SIPA1L3: variants seen among roughly 807,000 people sequenced by gnomAD.
SIPA1L3 encodes signal-induced proliferation-associated 1-like protein 3.
Under a neutral mutation model 150.1 loss-of-function variants are expected in SIPA1L3, and 59 were observed. The ratio of observed to expected loss-of-function variants is 0.39; its 90% CI spans 0.32 to 0.49. SIPA1L3 has a LOEUF of 0.49. SIPA1L3 is among the 20% of genes least tolerant of loss of function. The pLI is 0.86. For missense variants in SIPA1L3, 2,211 were observed against 2,489.5 expected (o/e 0.89, Z 2.38); for synonymous variants, 1,070 against 1,077.6 (o/e 0.99, Z 0.14).
chr19:38,083,711 C>A (rs1970061165), intron 3 of SIPA1L3, among the ~76,000 whole-genome samples: 1 of 152,174 alleles, frequency 6.6e-6, no homozygotes, highest in South Asian at 2.1e-4. Flanking sequence ...CTTGGAACTG[C>A]CCGGCGCAGT....
intron 1 of SIPA1L3, among the ~76,000 whole-genome samples, chr19:37,977,565 A>T (rs1967104362): frequency 6.6e-6 from 1 of 151,896 alleles, no homozygotes; most frequent in Non-Finnish European, 1.5e-5. Context: ...AGGTCCCATG[A>T]TTGGCAGTCC....
Position 38,082,523 on chromosome 19 carries a change from G to A in SIPA1L3, c.958G>A (p.Glu320Lys). The A allele has an allele frequency of 6.3e-7, 1 of 1,598,188 alleles. No homozygotes were observed. Among genetic ancestry groups the A allele is most frequent in the Non-Finnish European group, 8.5e-7 (1 of 1,172,390 alleles). ...GGGGGAGGCTGGGCGTTCCCCGGGG[G>A]AGGCCGACGAGGGCCGGAGCCCCCC... is the stretch of plus-strand genomic sequence containing the variant. ...PEGEAGRSPG[E>K]ADEGRSPPEA... Residue 320 changes from glutamate (E) to lysine (K), a missense_variant, in exon 3 of 22, where the codon GAG becomes AAG. Glu to Lys is a moderately conservative substitution (Grantham distance 56, BLOSUM62 1). This residue lies in a region of SIPA1L3 where 587 missense variants were observed against 534.5 expected (regional missense o/e 1.10). Transcript: ENST00000222345.
intron 4 of SIPA1L3, among the ~76,000 whole-genome samples, chr19:38,093,255 C>T (rs1353146127): frequency 6.6e-6 from 1 of 152,094 alleles, no homozygotes; most frequent in African/African-American, 2.4e-5. Context: ...GCCGTGTGGA[C>T]AACTGGAAGA....
At chr19:38,090,980 T>G (rs1485404980) in intron 4 of SIPA1L3, among the ~76,000 whole-genome samples, 1 of 152,188 alleles carries the variant, frequency 6.6e-6, no homozygotes, top group Non-Finnish European at 1.5e-5. Flanking sequence ...CTACCCACCT[T>G]TCTGGCCAGA....
chr19:38,130,868 G>T (rs1971292953), intron 10 of SIPA1L3, 96 bp downstream of exon 10: 5 of 1,359,968 alleles, frequency 3.7e-6, no homozygotes, highest in Non-Finnish European at 5.0e-6. Context: ...TCCCAATAGA[G>T]GGGGGATAGG....
intron 15 of SIPA1L3, among the ~76,000 whole-genome samples, chr19:38,174,994 AGTT>A (rs749880035): frequency 1.3e-5 from 2 of 152,160 alleles, no homozygotes; most frequent in African/African-American, 2.4e-5. Flanking sequence ...TATCGTTAAC[AGTT>A]GTTGTCACTG....
chr19:38,080,650 A>G (rs192776970), intron 2 of SIPA1L3, among the ~76,000 whole-genome samples: 129 of 152,192 alleles, frequency 8.5e-4, no homozygotes, highest in Non-Finnish European at 4.4e-4. Context: ...TAGAGATACA[A>G]GCTAAAATAT....
intron 1 of SIPA1L3, among the ~76,000 whole-genome samples, chr19:37,978,017 C>T (rs1220532325): frequency 6.6e-6 from 1 of 152,176 alleles, no homozygotes; most frequent in African/African-American, 2.4e-5. Flanking sequence ...CTTTAGTCTC[C>T]AGGATGAGGT....
At chr19:38,018,273 C>G (rs1471454359) in intron 1 of SIPA1L3, among the ~76,000 whole-genome samples, 1 of 146,446 alleles carries the variant, frequency 6.8e-6, no homozygotes, top group Non-Finnish European at 1.5e-5. Flanking sequence ...AAGTGATTCT[C>G]ATGCTGCAGC....
At chr19:38,146,938 G>A (rs1971713669) in intron 12 of SIPA1L3, among the ~76,000 whole-genome samples, 1 of 151,950 alleles carries the variant, frequency 6.6e-6, no homozygotes, top group Admixed American at 6.6e-5. Flanking sequence ...AGAGTTCTTT[G>A]GACATTCTAA....
intron 2 of SIPA1L3, among the ~76,000 whole-genome samples, chr19:38,071,235 A>ATCTATCTG (rs1568532244): frequency 6.6e-5 from 10 of 151,540 alleles, no homozygotes; most frequent in Non-Finnish European, 1.5e-4. Context: ...CTATCTATCT[A>ATCTATCTG]TCTATCTATC....
chr19:38,167,006 A>G (rs1228092720), intron 15 of SIPA1L3, among the ~76,000 whole-genome samples: 1 of 152,068 alleles, frequency 6.6e-6, no homozygotes, highest in Admixed American at 6.6e-5. Context: ...AGGCCAAGGC[A>G]AGCGGATCAC....
chr19:38,012,479 C>T (rs1193488284), intron 1 of SIPA1L3, among the ~76,000 whole-genome samples: 1 of 152,152 alleles, frequency 6.6e-6, no homozygotes, highest in African/African-American at 2.4e-5. Flanking sequence ...CTCCCCTGCT[C>T]CCAGCCCAGC....
intron 1 of SIPA1L3, among the ~76,000 whole-genome samples, chr19:38,018,241 G>A (rs1023402809): frequency 6.3e-5 from 9 of 143,166 alleles, no homozygotes; most frequent in Non-Finnish European, 4.5e-5. Flanking sequence ...TCGGCTCATG[G>A]TAACCTCCGA....
intron 2 of SIPA1L3, among the ~76,000 whole-genome samples, chr19:38,072,241 C>T (rs1293498326): frequency 6.6e-6 from 1 of 152,160 alleles, no homozygotes; most frequent in Non-Finnish European, 1.5e-5. Flanking sequence ...AATAATGATA[C>T]CCACCTCATG....
At chr19:38,074,445 T>C (rs855620) in intron 2 of SIPA1L3, among the ~76,000 whole-genome samples, 93,089 of 152,106 alleles carry the variant, frequency 0.61, 30,699 homozygotes, top group African/African-American at 0.86. Flanking sequence ...GGACTAATCC[T>C]CCCTCCGCAC....
rs58459050 is a variant in SIPA1L3 at position 38,016,886 on chromosome 19, C to CTTTTTTTT, written c.-378-12182_-378-12175dup. Among the ~76,000 whole-genome samples, 9 of 69,138 alleles carry CTTTTTTTT rather than the reference C, an allele frequency of 1.3e-4. 1 individual carries two copies. Among genetic ancestry groups the CTTTTTTTT allele is most frequent in the African/African-American group, 3.3e-4 (5 of 15,052 alleles). 45.4% of individuals were successfully genotyped at this position (69,138 alleles called of 152,430 possible). A position where few individuals can be genotyped will look rare whatever the true frequency, so the allele number is the denominator to read the frequency against. Reference sequence around the variant, plus strand: ...ATACTTCTTTTTCTGCCTCCTCTGGCTTTTTTTTTTTTTTTTTTTTTTTTT... The same window carrying CTTTTTTTT: ...ATACTTCTTTTTCTGCCTCCTCTGGCTTTTTTTTTTTTTTTTTTTTTTTTTTTTTTTTT... On this transcript the variant is annotated intron_variant, in intron 1 of 21. Coordinates refer to ENST00000222345, the MANE Select transcript of SIPA1L3 (RefSeq NM_015073.3).
chr19:38,204,691 G>A (rs1357481532), intron 21 of SIPA1L3, among the ~76,000 whole-genome samples: 1 of 152,122 alleles, frequency 6.6e-6, no homozygotes, highest in East Asian at 1.9e-4. Context: ...CTTGAACCCA[G>A]GAAGGTGGAG....
At chr19:38,049,759 G>A (rs1447940075) in intron 2 of SIPA1L3, among the ~76,000 whole-genome samples, 2 of 152,030 alleles carry the variant, frequency 1.3e-5, no homozygotes, top group East Asian at 3.9e-4. Context: ...CTATGAGGCT[G>A]CTCTGACCCG....
Sources: allele counts gnomAD v4.1 joint callset (sites outside exome capture counted in the v4.1 genomes callset), GRCh38; gene constraint gnomAD v4.1.1; regional missense constraint gnomAD v4.1.1; transcripts MANE v1.5; gene names NCBI Gene and HGNC (gene_info 2026-07-23, HGNC 2026-07-21).